Variants in GNAT3 observed in about 807,000 individuals in gnomAD.
GNAT3 encodes the protein guanine nucleotide-binding protein G(t) subunit alpha-3.
GNAT3 carries 31 observed loss-of-function variants against 37.7 expected under a neutral mutation model. The ratio of observed to expected loss-of-function variants is 0.82; its 90% CI spans 0.62 to 1.11. The LOEUF is 1.11. GNAT3 is among the 50% of genes most tolerant of loss of function. GNAT3 has a pLI of 0.00. For missense variants in GNAT3, 437 were observed against 412.5 expected (o/e 1.06, Z -0.51); for synonymous variants, 138 against 139.8 (o/e 0.99, Z 0.09).
intron 5 of GNAT3, among the ~76,000 whole-genome samples, chr7:80,465,341 A>T: frequency 6.6e-6 from 1 of 152,170 alleles, no homozygotes; most frequent in East Asian, 1.9e-4. Flanking sequence ...TCTTAATTTA[A>T]CACACCTAAT....
intron 1 of GNAT3, among the ~76,000 whole-genome samples, chr7:80,497,183 T>G (rs1348423555): frequency 6.6e-6 from 1 of 152,176 alleles, no homozygotes; most frequent in Non-Finnish European, 1.5e-5. Context: ...TCTCATTTAC[T>G]AGAGGCTGCA....
chr7:80,494,115 A>C (rs1353689929), intron 2 of GNAT3, among the ~76,000 whole-genome samples: 2 of 152,180 alleles, frequency 1.3e-5, no homozygotes, highest in Non-Finnish European at 2.9e-5. Flanking sequence ...TTATTTCCTT[A>C]TTAAGGAATT....
Position 80,488,621 on chromosome 7 carries a change from T to C in GNAT3, c.217A>G (p.Ile73Val), listed in dbSNP as rs754124323. ...ATGGATTGCAATGTATTACTGTAAA[T>C]TACTGCTTTGAACTCCATGCATTCT... ...EQECMEFKAVIYSNTLQSILA... is the reference protein window; with the variant it reads ...EQECMEFKAVVYSNTLQSILA... The change falls in exon 3 of 8, where the codon ATT becomes GTT. Residue 73 changes from isoleucine (I) to valine (V), a missense_variant. Physicochemically the swap from Ile to Val is conservative, Grantham distance 29. Coordinates refer to ENST00000398291, the MANE Select transcript of GNAT3 (RefSeq NM_001102386.3). 3.1e-6 allele frequency: 5 copies of C among 1,591,578 alleles called. No homozygotes were observed. The African/African-American group carries it at 6.7e-5, about 21-fold the overall frequency.
intron 2 of GNAT3, among the ~76,000 whole-genome samples, chr7:80,491,600 G>A (rs1013948786): frequency 3.3e-5 from 5 of 152,140 alleles, no homozygotes; most frequent in African/African-American, 9.7e-5. Flanking sequence ...AACCGGGAAA[G>A]AGTTCTAGAA....
rs573647211 is a variant in GNAT3 at position 80,491,131 on chromosome 7, G to A, written c.162-2455C>T. 1.6e-4 allele frequency among the ~76,000 whole-genome samples: 24 copies of A among 152,284 alleles called. No homozygotes were observed. The East Asian group carries it at 4.6e-3, about 29-fold the overall frequency. ...GGTAGAAGCTCCTTAGGAAGATACT[G>A]AATTAATCTAGGTCAGAAATGATGA... On this transcript the variant is annotated intron_variant, in intron 2 of 7. Transcript: ENST00000398291.
At chr7:80,467,219 G>C (rs1326093234) in intron 5 of GNAT3, among the ~76,000 whole-genome samples, 1 of 152,080 alleles carries the variant, frequency 6.6e-6, no homozygotes, top group African/African-American at 2.4e-5. Flanking sequence ...GACAAAGATT[G>C]CTCAGTCTTA....
intron 5 of GNAT3, among the ~76,000 whole-genome samples, chr7:80,468,198 G>A (rs2116149608): frequency 6.6e-6 from 1 of 152,076 alleles, no homozygotes; most frequent in South Asian, 2.1e-4. Flanking sequence ...GTTCTAGTAA[G>A]CAGTCGGCAA....
chr7:80,480,768 T>TGGCCATCTTGGTTTGGGTGGGTTTG (rs1790380018), intron 3 of GNAT3, among the ~76,000 whole-genome samples: 2 of 152,218 alleles, frequency 1.3e-5, no homozygotes, highest in South Asian at 2.1e-4. Flanking sequence ...GTCACTCTCA[T>TGGCCATCTTGGTTTGGGTGGGTTTG]GGCCATCTTG....
chr7:80,505,186 T>C (rs929327675), intron 1 of GNAT3, among the ~76,000 whole-genome samples: 1 of 152,092 alleles, frequency 6.6e-6, no homozygotes, highest in Non-Finnish European at 1.5e-5. Flanking sequence ...AGGGTTTGAA[T>C]GTCAATTAAG....
intron 5 of GNAT3, among the ~76,000 whole-genome samples, chr7:80,463,603 A>T (rs7798651): frequency 0.05 from 7,519 of 151,816 alleles, 289 homozygotes; most frequent in African/African-American, 0.11. Flanking sequence ...CTATAGCATC[A>T]CTTTCTTTCC....
intron 4 of GNAT3, among the ~76,000 whole-genome samples, chr7:80,474,604 TA>T (rs1160267802): frequency 2.0e-5 from 3 of 152,136 alleles, no homozygotes; most frequent in South Asian, 2.1e-4. Flanking sequence ...CTCATCGAAT[TA>T]AAAGTTTGGT....
chr7:80,501,926 T>G (rs1002267760), intron 1 of GNAT3, among the ~76,000 whole-genome samples: 1 of 152,024 alleles, frequency 6.6e-6, no homozygotes, highest in Admixed American at 6.6e-5. Context: ...AAACTAAGTA[T>G]GTTTCATTCA....
At chr7:80,495,047 C>A (rs1224910395) in intron 1 of GNAT3, among the ~76,000 whole-genome samples, 3 of 151,956 alleles carry the variant, frequency 2.0e-5, no homozygotes, top group African/African-American at 7.3e-5. Flanking sequence ...CATCCATTTG[C>A]TGGCAAAGAC....
chr7:80,505,441 A>ATT (rs953512323), intron 1 of GNAT3, among the ~76,000 whole-genome samples: 13 of 152,172 alleles, frequency 8.5e-5, no homozygotes, highest in Non-Finnish European at 2.9e-5. Context: ...ATCTCGGCTC[A>ATT]CTGCAAGCTC....
chr7:80,486,883 A>G (rs961173025), intron 3 of GNAT3, among the ~76,000 whole-genome samples: 8 of 151,890 alleles, frequency 5.3e-5, no homozygotes, highest in Non-Finnish European at 1.0e-4. Context: ...GTGATTTCCA[A>G]CTTCTCTGAC....
chr7:80,466,135 G>T (rs565528422), intron 5 of GNAT3, among the ~76,000 whole-genome samples: 1 of 152,074 alleles, frequency 6.6e-6, no homozygotes, highest in East Asian at 1.9e-4. Flanking sequence ...TGACAAACCA[G>T]TCATGGAGCC....
At chr7:80,509,780 C>T (rs1343406614) in intron 1 of GNAT3, among the ~76,000 whole-genome samples, 1 of 151,912 alleles carries the variant, frequency 6.6e-6, no homozygotes, top group African/African-American at 2.4e-5. Flanking sequence ...CTTTTTGACC[C>T]AATTTTCAGT....
At chr7:80,464,877 C>T (rs1418699482) in intron 5 of GNAT3, among the ~76,000 whole-genome samples, 1 of 151,984 alleles carries the variant, frequency 6.6e-6, no homozygotes, top group Non-Finnish European at 1.5e-5. Flanking sequence ...AGAGAAGATG[C>T]TCACAATATT....
rs779508773 is a variant in GNAT3, at chr7:80,462,536, G to A, written c.686C>T (p.Ala229Val). 2.4e-5 allele frequency: 38 copies of A among 1,613,380 alleles called. No homozygotes were observed. Among genetic ancestry groups the A allele is most frequent in the South Asian group, 1.1e-4 (10 of 91,012 alleles). Residue 229 changes from alanine (A) to valine (V), a missense_variant, in exon 6 of 8, where the codon GCC becomes GTC. Transcript: ENST00000398291. ...GTCTTCCACGAGGACCATGTCATAG[G>A]CACTAAGTGCAGCACAAAATATAAT... The part of the protein sequence containing the change: ...TCIIFCAALS[A>V]YDMVLVEDEE...
Sources: gnomAD v4.1 joint callset for allele counts (sites outside exome capture counted in the v4.1 genomes callset) on GRCh38, gnomAD v4.1.1 for gene constraint, MANE v1.5 for transcripts, NCBI Gene and HGNC (gene_info 2026-07-23, HGNC 2026-07-21) for gene names.